Variants in PARP14 observed in about 807,000 individuals in gnomAD.
PARP14 encodes protein mono-ADP-ribosyltransferase PARP14.
In PARP14, 59 loss-of-function variants were observed where a neutral mutation model predicts 154.2. The observed-to-expected ratio is 0.38, with a 90% confidence interval of 0.31 to 0.48. The LOEUF is 0.48. PARP14 is among the 20% of genes least tolerant of loss of function. The probability of loss-of-function intolerance (pLI) is 0.98; values close to 1 mark genes in which losing one functional copy is unlikely to be tolerated. For synonymous variants in PARP14, 720 were observed against 780.5 expected (o/e 0.92, Z 1.29); for missense variants, 1,734 against 2,131.6 (o/e 0.81, Z 3.67).
chr3:122,685,482 G>A (rs1212561869), intron 2 of PARP14, among the ~76,000 whole-genome samples, 164 bp downstream of exon 2: 4 of 151,826 alleles, frequency 2.6e-5, no homozygotes, highest in African/African-American at 9.7e-5. Flanking sequence ...GTAGGGTAGG[G>A]TAGTATGGGA....
rs1560089086 is a variant in PARP14, at chr3:122,727,943, C to T, written c.5073C>T (p.His1691=). 2.5e-6 allele frequency: 4 copies of T among 1,613,426 alleles called. No individual in the cohort carries two copies. The highest frequency in any genetic ancestry group is 1.1e-5 in the South Asian group (1 of 91,010). The change falls in exon 16 of 17, where the codon CAC becomes CAT. Residue 1691 remains histidine, a synonymous_variant. Transcript: ENST00000474629. ...GGACAGATGCCGGCTCCGTGCCACACGTCAATCGAAATGGCTTTAACCGCA... is the reference window on the plus strand; with the variant it reads ...GGACAGATGCCGGCTCCGTGCCACATGTCAATCGAAATGGCTTTAACCGCA... ...FHGTDAGSVP[H]VNRNGFNRSY... is the part of the protein sequence containing the mutation.
In PARP14 at chr3:122,728,703, T is replaced by C. The variant is rs1933348361; in HGVS notation, c.*106T>C. The stretch of plus-strand genomic sequence containing the variant: ...TTCCTCTTAACAGATTTTTCTAATA[T>C]CCAAGGATCATTCTTTGTCGCTGAA... On this transcript the variant is annotated 3_prime_UTR_variant, in exon 17 of 17. Transcript: ENST00000474629. 2.4e-6 allele frequency: 2 copies of C among 835,434 alleles called. No individual in the cohort carries two copies. Among genetic ancestry groups the C allele is most frequent in the East Asian group, 2.4e-5 (1 of 40,960 alleles). The allele number at this position is 835,434 out of a possible 1,614,324, so 51.8% of individuals were successfully genotyped here.
chr3:122,696,836 C>T (rs1351132688), intron 5 of PARP14, among the ~76,000 whole-genome samples: 1 of 152,118 alleles, frequency 6.6e-6, no homozygotes, highest in African/African-American at 2.4e-5. Context: ...CTCTTTGCAC[C>T]ATCTAACTTT....
intron 3 of PARP14, among the ~76,000 whole-genome samples, chr3:122,688,216 G>A (rs1258626091): frequency 1.3e-5 from 2 of 151,984 alleles, no homozygotes; most frequent in Non-Finnish European, 2.9e-5. Flanking sequence ...ATGCCAAAGC[G>A]CTATACCGTC....
chr3:122,688,975 T>A (rs1938459944), intron 3 of PARP14, among the ~76,000 whole-genome samples: 1 of 152,146 alleles, frequency 6.6e-6, no homozygotes, highest in African/African-American at 2.4e-5. Context: ...TAAGCTTAGT[T>A]GGGCTGGGTC....
At chr3:122,706,817 C>CA (rs796804488) in intron 8 of PARP14, among the ~76,000 whole-genome samples, 11,911 of 124,578 alleles carry the variant, frequency 0.096, 572 homozygotes, top group Middle Eastern at 0.21. Flanking sequence ...CACCAACAGG[C>CA]AAAAAAAAAA....
At chr3:122,713,812 C>A in intron 10 of PARP14, 60 bp from the exon 11 acceptor site, 1 of 1,239,082 alleles carries the variant, frequency 8.1e-7, no homozygotes, top group Non-Finnish European at 1.2e-6. Context: ...TCCTTCTGAT[C>A]CAAATATACC....
intron 7 of PARP14, 92 bp from the exon 8 acceptor site, chr3:122,704,435 T>C: frequency 1.4e-6 from 1 of 735,164 alleles, no homozygotes; most frequent in Non-Finnish European, 2.3e-6. Flanking sequence ...AAAAGGAGTA[T>C]TCAAGTTCAC....
chr3:122,719,333 G>A (rs1163785269), intron 14 of PARP14, among the ~76,000 whole-genome samples: 1 of 152,160 alleles, frequency 6.6e-6, no homozygotes, highest in Admixed American at 6.5e-5. Flanking sequence ...AACAAAAAAG[G>A]CCAAGGGAAA....
At chr3:122,715,103 G>T (rs568180956) in intron 12 of PARP14, among the ~76,000 whole-genome samples, 14 of 146,880 alleles carry the variant, frequency 9.5e-5, no homozygotes, top group Admixed American at 2.0e-4. Flanking sequence ...TAATTAGGTG[G>T]TTTTTTTTTT....
In PARP14 at chr3:122,687,125, G is replaced by T. The variant is rs1444310381; in HGVS notation, c.355+12G>T. 1.3e-6 allele frequency: 2 copies of T among 1,584,592 alleles called. No individual in the cohort carries two copies. Among genetic ancestry groups the T allele is most frequent in the Admixed American group, 3.5e-5 (2 of 57,294 alleles). On this transcript the variant is annotated intron_variant, in intron 3 of 16. Transcript: ENST00000474629. Reference sequence around the variant, plus strand: ...TGTTAAAGAACCAGGTAAAATCTCAGTTGAGATGACTCTGACATTCACCAA... The same window carrying T: ...TGTTAAAGAACCAGGTAAAATCTCATTTGAGATGACTCTGACATTCACCAA...
chr3:122,701,765 C>A lies in PARP14; in HGVS notation c.3081+130C>A, dbSNP rs1451312663. On this transcript the variant is annotated intron_variant, in intron 6 of 16. Transcript: ENST00000474629. This position sits in a 1 kb window ranked among gnomAD's most constrained non-coding sequence, Gnocchi z 4.0. The stretch of plus-strand genomic sequence containing the variant: ...AGGGAGAGAATCCCATGCCTTCCAC[C>A]CCTGCCTTGAAACAATTTTCCTTAG... The A allele has an allele frequency of 1.4e-6, 1 of 692,714 alleles. No homozygotes were observed. Among genetic ancestry groups the A allele is most frequent in the Non-Finnish European group, 2.4e-6 (1 of 417,930 alleles). 42.9% of individuals were successfully genotyped at this position (692,714 alleles called of 1,614,324 possible). A position where few individuals can be genotyped will look rare whatever the true frequency, so the allele number is the denominator to read the frequency against.
At chr3:122,708,353 T>G (rs1939225650) in intron 9 of PARP14, 85 bp downstream of exon 9, 1 of 711,020 alleles carries the variant, frequency 1.4e-6, no homozygotes, top group East Asian at 2.7e-5. Context: ...AGTGATAATT[T>G]TTATGAAAAA....
chr3:122,701,622 T>C lies in PARP14; in HGVS notation c.3068T>C (p.Val1023Ala). The C allele has an allele frequency of 6.3e-7, 1 of 1,593,572 alleles. No homozygotes were observed. Among genetic ancestry groups the C allele is most frequent in the Non-Finnish European group, 8.5e-7 (1 of 1,169,626 alleles). ...GLQMLLVKEG[V>A]QNAKTDVVVN... ...CAGATGCTGTTGGTGAAAGAGGGTG[T>C]GCAGAATGCTAAGGTGAGTGTCGCT... Residue 1023 changes from valine to alanine, a missense_variant, in exon 6 of 17, where the codon GTG becomes GCG. By Grantham distance (64) the Val-to-Ala change is moderately conservative. Around this residue, in one of 2 missense-constraint regions of PARP14, gnomAD observed 1,646 missense variants for 1,976.0 expected, o/e 0.83. Transcript: ENST00000474629. The surrounding 1 kb of genome is among the most constrained non-coding windows in gnomAD (Gnocchi z 4.0).
chr3:122,700,496 A>G lies in PARP14; in HGVS notation c.1942A>G (p.Thr648Ala). ...TSETTAEVII[T>A]GCVKEVNETY... ...AGAAACCACAGCTGAAGTCATCATT[A>G]CAGGCTGTGTAAAAGAAGTAAATGA... Residue 648 changes from threonine to alanine, a missense_variant, in exon 6 of 17, where the codon ACA becomes GCA. By Grantham distance (58) the Thr-to-Ala change is moderately conservative. Transcript: ENST00000474629. 1 of 1,610,888 alleles carries G rather than the reference A, an allele frequency of 6.2e-7. No individual in the cohort carries two copies. The highest frequency in any genetic ancestry group is 1.1e-5 in the South Asian group (1 of 90,524).
rs758540958 is a variant in PARP14, at chr3:122,718,791, G to C, written c.4640G>C (p.Cys1547Ser). The C allele has an allele frequency of 1.2e-6, 2 of 1,613,794 alleles. No individual in the cohort carries two copies. The highest frequency in any genetic ancestry group is 8.5e-7 in the Non-Finnish European group (1 of 1,179,754). Residue 1547 changes from cysteine to serine, a missense_variant, in exon 14 of 17, where the codon TGT (cysteine) becomes TCT (serine). By Grantham distance (112) the Cys-to-Ser change is moderately radical. Around this residue, in one of 2 missense-constraint regions of PARP14, gnomAD observed 1,646 missense variants for 1,976.0 expected, o/e 0.83. Transcript: ENST00000474629. ...WQYNDNNTSHCFNKMTNLKLE... is the reference protein window; with the variant it reads ...WQYNDNNTSHSFNKMTNLKLE... ...TATAATGACAATAACACTTCTCATT[G>C]TTTTAACAAAATGACCAATCTGAAA...
chr3:122,685,188 G>A lies in PARP14; in HGVS notation c.191G>A (p.Arg64Gln), dbSNP rs763758133. ...TTCCCCCCTTTGGACATTTCAGTTC[G>A]GCAGAAGGTTCTGGAGAGAAAAAAT... ...FLVFFYPEDV[R>Q]QKVLERKNHE... Residue 64 changes from arginine to glutamine, a missense_variant, in exon 2 of 17, where the codon CGG becomes CAG. This residue lies in a region of PARP14 where 1,646 missense variants were observed against 1,976.0 expected (regional missense o/e 0.83). Transcript: ENST00000474629. 24 of 1,613,526 alleles carry A rather than the reference G, an allele frequency of 1.5e-5. No individual in the cohort carries two copies. The highest frequency in any genetic ancestry group is 3.3e-5 in the Admixed American group (2 of 60,008).
Position 122,728,428 on chromosome 3 carries a change from G to A in PARP14, c.5237G>A (p.Gly1746Glu), listed in dbSNP as rs985376506. The A allele has an allele frequency of 2.5e-6, 4 of 1,613,824 alleles. No homozygotes were observed. The highest frequency in any genetic ancestry group is 3.4e-6 in the Non-Finnish European group (4 of 1,179,778). ...KHVYYVRVLT[G>E]IYTHGNHSLI... ...GTGTATTATGTGCGAGTACTTACTG[G>A]AATCTATACACATGGAAATCATTCA... The change falls in exon 17 of 17, where the codon GGA becomes GAA. Residue 1746 changes from glycine to glutamate, a missense_variant. By Grantham distance (98) the Gly-to-Glu change is moderately conservative. This residue lies in a region of PARP14 where 88 missense variants were observed against 155.6 expected (regional missense o/e 0.57). Coordinates refer to ENST00000474629, the MANE Select transcript of PARP14 (RefSeq NM_017554.3).
chr3:122,697,341 T>C (rs148869394), intron 5 of PARP14, among the ~76,000 whole-genome samples: 1 of 152,332 alleles, frequency 6.6e-6, no homozygotes, highest in East Asian at 1.9e-4. Flanking sequence ...ATGGGCATCT[T>C]GATTGTTATA....
Sources: allele counts gnomAD v4.1 joint callset (sites outside exome capture counted in the v4.1 genomes callset), GRCh38; gene constraint gnomAD v4.1.1; regional missense constraint gnomAD v4.1.1; non-coding constraint Gnocchi (gnomAD v3.1); transcripts MANE v1.5; gene names NCBI Gene and HGNC (gene_info 2026-07-23, HGNC 2026-07-21).